FLRT2: variants seen among roughly 807,000 people sequenced by gnomAD.
FLRT2 encodes the protein leucine-rich repeat transmembrane protein FLRT2.
FLRT2 carries 15 observed loss-of-function variants against 40.0 expected under a neutral mutation model. That is an observed-to-expected ratio of 0.38 (90% CI 0.25 to 0.58). FLRT2 has a LOEUF of 0.58. FLRT2 is among the 20% of genes least tolerant of loss of function. The pLI is 0.71. For synonymous variants in FLRT2, 380 were observed against 336.8 expected (o/e 1.13, Z -1.41); for missense variants, 726 against 840.0 (o/e 0.86, Z 1.68).
rs1893882497 is a variant in FLRT2 at position 85,631,851 on chromosome 14, G to A, written c.*8354G>A. ...TATTTATTTATTTTTTTTTGAGTTG[G>A]AGTCTCACTCTGTCACCAGATTGGA... On this transcript the variant is annotated 3_prime_UTR_variant, in exon 2 of 2. Transcript: ENST00000330753. The A allele has an allele frequency of 6.6e-6, 1 of 151,464 alleles. No individual in the cohort carries two copies. Among genetic ancestry groups the A allele is most frequent in the Admixed American group, 6.6e-5 (1 of 15,214 alleles). 9.4% of individuals were successfully genotyped at this position (151,464 alleles called of 1,614,324 possible). A position where few individuals can be genotyped will look rare whatever the true frequency, so the allele number is the denominator to read the frequency against.
intron 1 of FLRT2, among the ~76,000 whole-genome samples, chr14:85,537,267 T>C (rs1178826278): frequency 6.6e-6 from 1 of 152,170 alleles, no homozygotes; most frequent in African/African-American, 2.4e-5. Context: ...TTTACTGAAT[T>C]TCTTAGGTGG....
In FLRT2 at chr14:85,649,132, G is replaced by A. The variant is rs1894373990; in HGVS notation, c.*25635G>A. 1 of 152,038 alleles carries A rather than the reference G, an allele frequency of 6.6e-6. No individual in the cohort carries two copies. The highest frequency in any genetic ancestry group is 2.1e-4 in the South Asian group (1 of 4,828). The allele number at this position is 152,038 out of a possible 1,614,324, so 9.4% of individuals were successfully genotyped here. A position where few individuals can be genotyped will look rare whatever the true frequency, so the allele number is the denominator to read the frequency against. On this transcript the variant is annotated 3_prime_UTR_variant, in exon 2 of 2. Coordinates refer to ENST00000330753, the MANE Select transcript of FLRT2 (RefSeq NM_013231.6). ...GCAGTCTGATTGCAGAAGCATATATGTAAAAATATACCTTTTAGAAATGAT... is the reference window on the plus strand; with the variant it reads ...GCAGTCTGATTGCAGAAGCATATATATAAAAATATACCTTTTAGAAATGAT...
intron 1 of FLRT2, chr14:85,559,563 G>T (rs1890180400): frequency 6.6e-6 from 1 of 152,160 alleles, no homozygotes; most frequent in African/African-American, 2.4e-5. Context: ...AGTAAAGATT[G>T]TATGTATGTC....
chr14:85,618,778 C>A (rs1232172818), intron 1 of FLRT2, among the ~76,000 whole-genome samples: 1 of 152,066 alleles, frequency 6.6e-6, no homozygotes, highest in African/African-American at 2.4e-5. Flanking sequence ...TTGAATGCGC[C>A]CATCCCAGGC....
intron 1 of FLRT2, among the ~76,000 whole-genome samples, chr14:85,604,264 C>G (rs563160877): frequency 4.6e-5 from 7 of 152,112 alleles, no homozygotes; most frequent in African/African-American, 9.7e-5. Flanking sequence ...TCTGCCTTAG[C>G]GGAACATTCA....
At chr14:85,567,850 A>G (rs989525734) in intron 1 of FLRT2, among the ~76,000 whole-genome samples, 2 of 151,964 alleles carry the variant, frequency 1.3e-5, no homozygotes, top group African/African-American at 4.8e-5. Context: ...CATATTGACC[A>G]GGCTGGTCTC....
At position 85,638,077 on chromosome 14, in the gene FLRT2, T is replaced by C. The variant is rs527843634; in HGVS notation, c.*14580T>C. The stretch of plus-strand genomic sequence containing the variant: ...CATTATGATGGAAGCTGGGACTAGG[T>C]GACTTATTCTAAATGTAACAATTAC... On this transcript the variant is annotated 3_prime_UTR_variant, in exon 2 of 2. Transcript: ENST00000330753. 2 of 152,214 alleles carry C rather than the reference T, an allele frequency of 1.3e-5. No homozygotes were observed. Among genetic ancestry groups the C allele is most frequent in the East Asian group, 1.9e-4 (1 of 5,154 alleles). 9.4% of individuals were successfully genotyped at this position (152,214 alleles called of 1,614,324 possible).
At position 85,599,327 on chromosome 14, in the gene FLRT2, G is replaced by T. The variant is rs145801812; in HGVS notation, c.-376-21812G>T. Among the ~76,000 whole-genome samples, 719 of 150,864 alleles carry T rather than the reference G, an allele frequency of 4.8e-3. 7 individuals carry two copies. Among genetic ancestry groups the T allele is most frequent in the African/African-American group, 0.017 (687 of 41,116 alleles). On this transcript the variant is annotated intron_variant, in intron 1 of 1. Coordinates refer to ENST00000330753, the MANE Select transcript of FLRT2 (RefSeq NM_013231.6). ...AAAAGTATTTGCAAGGTCAGAAATG[G>T]CCATATTTTGGCTGCTGCCTCTGTA... is the stretch of plus-strand genomic sequence containing the variant.
At position 85,622,341 on chromosome 14, in the gene FLRT2, G is replaced by C. The variant is rs375582864; in HGVS notation, c.827G>C (p.Arg276Pro). Residue 276 changes from arginine (R) to proline (P), a missense_variant, in exon 2 of 2, where the codon CGT becomes CCT. Physicochemically the swap from Arg to Pro is moderately radical, Grantham distance 103. Transcript: ENST00000330753. ...HIPLTAFSNLRKLERLDISNN... is the reference protein window; with the variant it reads ...HIPLTAFSNLPKLERLDISNN... ...CCTTTGACAGCCTTCTCAAATCTGC[G>C]TAAGCTGGAACGGCTGGATATATCC... 15 of 1,614,106 alleles carry C rather than the reference G, an allele frequency of 9.3e-6. No homozygotes were observed. The highest frequency in any genetic ancestry group is 5.3e-5 in the African/African-American group (4 of 75,008).
intron 1 of FLRT2, among the ~76,000 whole-genome samples, chr14:85,610,554 C>T (rs1366092979): frequency 1.3e-5 from 2 of 152,180 alleles, no homozygotes; most frequent in Non-Finnish European, 2.9e-5. Context: ...TATTTCTGCA[C>T]TTTGCCTTCT....
At chr14:85,555,743 A>T (rs962959173) in intron 1 of FLRT2, among the ~76,000 whole-genome samples, 1 of 101,642 alleles carries the variant, frequency 9.8e-6, no homozygotes, top group African/African-American at 3.2e-5. Context: ...TTTTTTAGAG[A>T]TGAGGTCTCA....
intron 1 of FLRT2, among the ~76,000 whole-genome samples, chr14:85,586,848 T>C (rs1891640749): frequency 6.6e-6 from 1 of 152,202 alleles, no homozygotes; most frequent in African/African-American, 2.4e-5. Flanking sequence ...CGTGATCCTG[T>C]CATTTGTACA....
intron 1 of FLRT2, among the ~76,000 whole-genome samples, chr14:85,618,984 T>A (rs1424504393): frequency 1.3e-5 from 2 of 152,214 alleles, no homozygotes; most frequent in Non-Finnish European, 2.9e-5. Flanking sequence ...TTATATAAAT[T>A]ATTCTTTAAG....
rs993744587 is a variant in FLRT2, at chr14:85,635,100, A to G, written c.*11603A>G. 1 of 152,212 alleles carries G rather than the reference A, an allele frequency of 6.6e-6. No homozygotes were observed. Among genetic ancestry groups the G allele is most frequent in the Admixed American group, 6.5e-5 (1 of 15,286 alleles). The allele number at this position is 152,212 out of a possible 1,614,324, so 9.4% of individuals were successfully genotyped here. ...AAGACTAACATGTTTCTCATTAGTT[A>G]TAATAACCTTAAACTTGATATGTTA... On this transcript the variant is annotated 3_prime_UTR_variant, in exon 2 of 2. Coordinates refer to ENST00000330753, the MANE Select transcript of FLRT2 (RefSeq NM_013231.6).
intron 1 of FLRT2, among the ~76,000 whole-genome samples, chr14:85,566,572 T>TGTGTGTGTGTGTGTGTGC (rs1218679592): frequency 3.3e-5 from 5 of 151,778 alleles, no homozygotes; most frequent in African/African-American, 1.2e-4. Flanking sequence ...TGTGTGTGTG[T>TGTGTGTGTGTGTGTGTGC]GTGTGCAAGA....
intron 1 of FLRT2, among the ~76,000 whole-genome samples, chr14:85,549,984 C>T (rs1303599264): frequency 6.6e-6 from 1 of 151,184 alleles, no homozygotes; most frequent in Non-Finnish European, 1.5e-5. Context: ...AGTCACTGTT[C>T]TATCTCAATT....
At chr14:85,591,900 G>A (rs550409332) in intron 1 of FLRT2, among the ~76,000 whole-genome samples, 5 of 152,116 alleles carry the variant, frequency 3.3e-5, no homozygotes, top group Non-Finnish European at 7.3e-5. Flanking sequence ...TGACTCTTAT[G>A]GATGTGGAGA....
chr14:85,536,864 A>G (rs920431781), intron 1 of FLRT2, among the ~76,000 whole-genome samples: 1 of 152,234 alleles, frequency 6.6e-6, no homozygotes, highest in Non-Finnish European at 1.5e-5. Context: ...CAGTGTGATC[A>G]ACATAAATAA....
At chr14:85,606,836 T>G (rs1383012390) in intron 1 of FLRT2, among the ~76,000 whole-genome samples, 1 of 151,286 alleles carries the variant, frequency 6.6e-6, no homozygotes, top group Non-Finnish European at 1.5e-5. Context: ...GCTGTTACTC[T>G]TATTTCCATG....
Sources: allele counts gnomAD v4.1 joint callset (sites outside exome capture counted in the v4.1 genomes callset), GRCh38; gene constraint gnomAD v4.1.1; transcripts MANE v1.5; gene names NCBI Gene and HGNC (gene_info 2026-07-23, HGNC 2026-07-21).